Variants in PRUNE2 observed in about 807,000 individuals in gnomAD.
The protein encoded by PRUNE2 is protein prune homolog 2.
In PRUNE2, 164 loss-of-function variants were observed where a neutral mutation model predicts 252.0. That is an observed-to-expected ratio of 0.65 (90% confidence interval 0.57 to 0.74). PRUNE2 has a LOEUF of 0.74. Ranked by LOEUF, PRUNE2 falls within the 30% of genes least tolerant of loss-of-function variation. PRUNE2 has a pLI of 0.00. For missense variants in PRUNE2, 3,495 were observed against 3,711.0 expected, an observed-to-expected ratio of 0.94 and a Z score of 1.51; for synonymous variants, 1,292 against 1,350.2, an observed-to-expected ratio of 0.96 and a Z score of 0.94.
intron 3 of PRUNE2, among the ~76,000 whole-genome samples, chr9:76,848,190 G>A (rs556131721): frequency 3.9e-5 from 6 of 152,166 alleles, no homozygotes; most frequent in Non-Finnish European, 5.9e-5. Context: ...CCTGAACCTC[G>A]GAGATGGAGG....
chr9:76,634,972 T>C (rs908281783), intron 15 of PRUNE2, among the ~76,000 whole-genome samples: 3 of 152,104 alleles, frequency 2.0e-5, no homozygotes, highest in African/African-American at 7.2e-5. Context: ...ATAGGTCTAA[T>C]ATTTTTGTTT....
chr9:76,690,740 G>C (rs2044625759), intron 9 of PRUNE2, among the ~76,000 whole-genome samples: 1 of 152,052 alleles, frequency 6.6e-6, no homozygotes, highest in Admixed American at 6.6e-5. Context: ...GGACATAAAG[G>C]GTAACTTTGC....
chr9:76,836,389 A>G (rs1355034412), intron 4 of PRUNE2, among the ~76,000 whole-genome samples: 1 of 117,830 alleles, frequency 8.5e-6, no homozygotes, highest in Non-Finnish European at 1.8e-5. Context: ...AGGGGGAGGG[A>G]GAAGCCCAAG....
intron 1 of PRUNE2, among the ~76,000 whole-genome samples, chr9:76,888,309 T>C (rs758245285): frequency 6.6e-6 from 1 of 152,194 alleles, no homozygotes; most frequent in Non-Finnish European, 1.5e-5. Context: ...CTGGGCACGG[T>C]GGCTCACGCC....
intron 18 of PRUNE2, among the ~76,000 whole-genome samples, chr9:76,616,979 CATAAATAA>C (rs879485187): frequency 1.7e-3 from 253 of 150,812 alleles, no homozygotes; most frequent in South Asian, 4.4e-3. Context: ...TAAATAAATA[CATAAATAA>C]ATAAATAAAT....
chr9:76,745,313 A>G (rs1420376593), intron 6 of PRUNE2, among the ~76,000 whole-genome samples: 2 of 152,200 alleles, frequency 1.3e-5, no homozygotes, highest in East Asian at 1.9e-4. Flanking sequence ...GATGAGAGGA[A>G]TTTGAATTCT....
rs554989424 is a variant in PRUNE2, at chr9:76,867,803, C to A, written c.37-13595G>T. Among the ~76,000 whole-genome samples the A allele has an allele frequency of 2.0e-3, 303 of 152,212 alleles. 2 individuals carry two copies. Among genetic ancestry groups the A allele is most frequent in the Non-Finnish European group, 1.5e-3 (104 of 68,014 alleles). On this transcript the variant is annotated intron_variant, in intron 1 of 18. Transcript: ENST00000376718. ...GGTCAGGTTGGTCTCGAACTCCTGA[C>A]CTTGTGATCCGCCCACCTCGGCCTT...
intron 6 of PRUNE2, among the ~76,000 whole-genome samples, chr9:76,813,851 C>T (rs1250404884): frequency 6.6e-6 from 1 of 152,166 alleles, no homozygotes; most frequent in East Asian, 1.9e-4. Flanking sequence ...GAGTCTCTCT[C>T]TGTCACCCAG....
rs1026306893 is a variant in PRUNE2, at chr9:76,876,596, G to A, written c.37-22388C>T. 5.3e-5 allele frequency among the ~76,000 whole-genome samples: 8 copies of A among 152,036 alleles called. 1 individual carries two copies. The East Asian group carries it at 5.8e-4, about 11-fold the overall frequency. On this transcript the variant is annotated intron_variant, in intron 1 of 18. Transcript: ENST00000376718. ...AGACATACCTATTACACTTGGTGGCGTTTTTGGGTGGGAATGAGGCCCAAC... is the reference window on the plus strand; with the variant it reads ...AGACATACCTATTACACTTGGTGGCATTTTTGGGTGGGAATGAGGCCCAAC...
chr9:76,838,601 C>T (rs141738629), intron 4 of PRUNE2, among the ~76,000 whole-genome samples: 1,457 of 143,214 alleles, frequency 0.01, 13 homozygotes, highest in East Asian at 0.05. Context: ...GCTGAGATTG[C>T]GCCATTGCAC....
intron 17 of PRUNE2, among the ~76,000 whole-genome samples, chr9:76,622,345 CA>C (rs1157269092): frequency 6.6e-6 from 1 of 151,862 alleles, no homozygotes; most frequent in African/African-American, 2.4e-5. Flanking sequence ...CAAAACTACC[CA>C]AAAACAATAA....
chr9:76,860,425 G>C (rs2132781561), intron 1 of PRUNE2, among the ~76,000 whole-genome samples: 1 of 151,942 alleles, frequency 6.6e-6, no homozygotes, highest in East Asian at 1.9e-4. Context: ...ATTAGTTCAA[G>C]GAAATGACTT....
At chr9:76,877,437 G>A (rs189724661) in intron 1 of PRUNE2, among the ~76,000 whole-genome samples, 2 of 152,174 alleles carry the variant, frequency 1.3e-5, no homozygotes, top group East Asian at 1.9e-4. Flanking sequence ...AGGTTGCAGT[G>A]AGCCAAAATT....
chr9:76,889,421 A>C, intron 1 of PRUNE2, among the ~76,000 whole-genome samples: 1 of 151,832 alleles, frequency 6.6e-6, no homozygotes, highest in East Asian at 1.9e-4. Flanking sequence ...CCTAGGCTCA[A>C]GCAATCCTCT....
Position 76,705,085 on chromosome 9 carries a change from C to A in PRUNE2, c.7189G>T (p.Asp2397Tyr). Residue 2397 changes from aspartate to tyrosine, a missense_variant, in exon 8 of 19, where the codon GAT (aspartate) becomes TAT (tyrosine). Asp to Tyr is a radical substitution (Grantham distance 160). Transcript: ENST00000376718. ...GCAGGTTCTGTGAGATAAGACAAAT[C>A]AAAGGGAGGTGTGTACGGTGCCAGC... ...QSLAPYTPPFDLSYLTEPAQS... is the reference protein window; with the variant it reads ...QSLAPYTPPFYLSYLTEPAQS... The A allele has an allele frequency of 6.2e-7, 1 of 1,613,988 alleles. No homozygotes were observed. Among genetic ancestry groups the A allele is most frequent in the Non-Finnish European group, 8.5e-7 (1 of 1,179,890 alleles).
chr9:76,839,172 A>G (rs1234944971), intron 4 of PRUNE2, among the ~76,000 whole-genome samples: 1 of 152,222 alleles, frequency 6.6e-6, no homozygotes, highest in Admixed American at 6.5e-5. Context: ...GCATTAACTG[A>G]ATCAATACAG....
At chr9:76,904,645 A>G (rs1397905710) in intron 1 of PRUNE2, among the ~76,000 whole-genome samples, 1 of 152,240 alleles carries the variant, frequency 6.6e-6, no homozygotes, top group Admixed American at 6.5e-5. Context: ...TGCTCTAGTA[A>G]AACTATAAAA....
intron 1 of PRUNE2, among the ~76,000 whole-genome samples, chr9:76,892,345 G>C (rs2062536003): frequency 1.3e-5 from 2 of 152,192 alleles, no homozygotes; most frequent in Non-Finnish European, 2.9e-5. Context: ...AATTTGGGAA[G>C]AGTTCACCCA....
intron 6 of PRUNE2, chr9:76,759,712 C>T (rs2051508788): frequency 6.6e-6 from 1 of 152,304 alleles, no homozygotes; most frequent in Non-Finnish European, 1.5e-5. Flanking sequence ...CCTGATTCTT[C>T]CTGGATGCTG....
Sources: gnomAD v4.1 joint callset for allele counts (sites outside exome capture counted in the v4.1 genomes callset) on GRCh38, gnomAD v4.1.1 for gene constraint, MANE v1.5 for transcripts, NCBI Gene and HGNC (gene_info 2026-07-23, HGNC 2026-07-21) for gene names.